Variants in FAT1 observed in about 807,000 individuals in gnomAD.
FAT1 encodes the protein protocadherin Fat 1.
A neutral mutation model predicts 329.8 loss-of-function variants in FAT1; 171 were observed. That is an observed-to-expected ratio of 0.52 (90% CI 0.46 to 0.59). The LOEUF is 0.59. FAT1 is among the 20% of genes least tolerant of loss of function. The probability of loss-of-function intolerance (pLI) is 0.00; values close to 1 mark genes in which losing one functional copy is unlikely to be tolerated. For missense variants in FAT1, 5,672 were observed against 5,774.4 expected (o/e 0.98, Z 0.57); for synonymous variants, 2,233 against 2,228.6 (o/e 1.00, Z -0.06).
intron 1 of FAT1, among the ~76,000 whole-genome samples, chr4:186,722,661 C>A (rs994585799): frequency 6.6e-6 from 1 of 152,216 alleles, no homozygotes; most frequent in Non-Finnish European, 1.5e-5. Flanking sequence ...AAAAACATCA[C>A]CATTACCTAG....
chr4:186,726,402 C>A (rs999738049), upstream of FAT1: 1 of 152,268 alleles, frequency 6.6e-6, no homozygotes, highest in East Asian at 1.9e-4. Flanking sequence ...TCGGCAGCTC[C>A]GTGATCCCCT....
intron 3 of FAT1, among the ~76,000 whole-genome samples, chr4:186,656,217 G>C (rs558583639): frequency 3.7e-4 from 56 of 152,316 alleles, no homozygotes; most frequent in African/African-American, 1.3e-3. Context: ...GATATGACTT[G>C]GGCGTGACAC....
rs375280523 is a variant in FAT1, at chr4:186,609,424, GT to G, written c.10069-105del. 1.3e-3 allele frequency: 1,475 copies of G among 1,176,270 alleles called. 1 individual carries two copies. The highest frequency in any genetic ancestry group is 1.7e-3 in the South Asian group (94 of 54,482). 72.9% of individuals were successfully genotyped at this position (1,176,270 alleles called of 1,614,324 possible). On this transcript the variant is annotated intron_variant, in intron 15 of 26. Transcript: ENST00000441802. ...AGCTTAGCTGTTTCTTTTTGTTGTT[GT>G]TTTTTTTTTGAGATGGAGCCTTGCT...
intron 2 of FAT1, among the ~76,000 whole-genome samples, chr4:186,664,119 C>A (rs1742319286): frequency 6.6e-6 from 1 of 152,180 alleles, no homozygotes; most frequent in South Asian, 2.1e-4. Context: ...CACTGCATCC[C>A]TGTGGCGGCC....
chr4:186,695,151 G>T (rs1038542405), intron 2 of FAT1, among the ~76,000 whole-genome samples: 1 of 152,122 alleles, frequency 6.6e-6, no homozygotes, highest in East Asian at 1.9e-4. Flanking sequence ...TAATCTGAAC[G>T]TTTTTTAGAG....
rs76442451 is a variant in FAT1 at position 186,601,568 on chromosome 4, C to T, written c.11483-142G>A. Reference sequence around the variant, plus strand: ...TTTACTATCCAATTCTGTGGGAAAACGTCTATTTGCTTAATGAAAAGCCCA... The same window carrying T: ...TTTACTATCCAATTCTGTGGGAAAATGTCTATTTGCTTAATGAAAAGCCCA... On this transcript the variant is annotated intron_variant, in intron 20 of 26. Transcript: ENST00000441802. The T allele has an allele frequency of 0.06, 34,472 of 574,382 alleles. 1,211 individuals are homozygous for T. The highest frequency in any genetic ancestry group is 0.076 in the Non-Finnish European group (26,783 of 354,032). 35.6% of individuals were successfully genotyped at this position (574,382 alleles called of 1,614,324 possible).
intron 7 of FAT1, 135 bp from the exon 8 acceptor site, chr4:186,628,898 C>G (rs1579351966): frequency 2.5e-6 from 2 of 800,728 alleles, no homozygotes; most frequent in East Asian, 5.3e-5. Context: ...GCAACAAAAA[C>G]CTAGAATCAT....
At position 186,621,061 on chromosome 4, in the gene FAT1, A is replaced by G. The variant is rs1560943787; in HGVS notation, c.5525T>C (p.Ile1842Thr). The change falls in exon 10 of 27, where the codon ATT becomes ACT. Residue 1842 changes from isoleucine to threonine, a missense_variant. By Grantham distance (89) the Ile-to-Thr change is moderately conservative. This residue lies in a region of FAT1 where 3,966 missense variants were observed against 3,915.2 expected (regional missense o/e 1.01). Transcript: ENST00000441802. Reference protein sequence around the residue: ...VLSLDYEETSIFHFTVQVHDM... With the variant: ...VLSLDYEETSTFHFTVQVHDM... The stretch of plus-strand genomic sequence containing the variant: ...ATGCACTTGGACGGTAAAGTGAAAA[A>G]TACTTGTTTCTTCATAGTCCAGACT... The G allele has an allele frequency of 6.2e-7, 1 of 1,613,232 alleles. No individual in the cohort carries two copies. Among genetic ancestry groups the G allele is most frequent in the Non-Finnish European group, 8.5e-7 (1 of 1,179,900 alleles).
In FAT1 at chr4:186,620,139, T is replaced by C. The variant is rs762768380; in HGVS notation, c.6447A>G (p.Glu2149=). The C allele has an allele frequency of 1.2e-6, 2 of 1,614,024 alleles. No individual in the cohort carries two copies. The highest frequency in any genetic ancestry group is 2.2e-5 in the South Asian group (2 of 91,076). The part of the protein sequence containing the change: ...KQFELDTLNK[E]YLVTVVAKDG... ...CTTTTGCAACCACTGTAACAAGATATTCTTTATTTAAGGTGTCAAGCTCAA... is the reference window on the plus strand; with the variant it reads ...CTTTTGCAACCACTGTAACAAGATACTCTTTATTTAAGGTGTCAAGCTCAA... The change falls in exon 10 of 27, where the codon GAA becomes GAG. Residue 2149 remains glutamate, a synonymous_variant. Transcript: ENST00000441802.
intron 1 of FAT1, among the ~76,000 whole-genome samples, chr4:186,718,945 T>G (rs1161545549): frequency 6.6e-6 from 1 of 152,144 alleles, no homozygotes; most frequent in Admixed American, 6.5e-5. Context: ...TCATGACACC[T>G]TTGACACCAC....
chr4:186,678,483 C>A (rs1743050841), intron 2 of FAT1, among the ~76,000 whole-genome samples: 1 of 148,586 alleles, frequency 6.7e-6, no homozygotes. Flanking sequence ...TGTAATAGAA[C>A]ATTATACAAT....
intron 1 of FAT1, among the ~76,000 whole-genome samples, chr4:186,711,746 C>A (rs1003213241): frequency 6.6e-6 from 1 of 152,048 alleles, no homozygotes; most frequent in Non-Finnish European, 1.5e-5. Context: ...ATGGTGAAAC[C>A]CCATCTCTAC....
rs2126522451 is a variant in FAT1, at chr4:186,621,133, G to A, written c.5453C>T (p.Thr1818Ile). The change falls in exon 10 of 27, where the codon ACA becomes ATA. Residue 1818 changes from threonine (T) to isoleucine (I), a missense_variant. Coordinates refer to ENST00000441802, the MANE Select transcript of FAT1 (RefSeq NM_005245.4). ...AGTGCTAGAATCAATAGCAAAATAT[G>A]TGTGTACAGATGGTTCAACAATGTG... The part of the protein sequence containing the change: ...VYHIVEPSVH[T>I]YFAIDSSTGA... The A allele has an allele frequency of 6.2e-7, 1 of 1,613,894 alleles. No individual in the cohort carries two copies. Among genetic ancestry groups the A allele is most frequent in the Non-Finnish European group, 8.5e-7 (1 of 1,179,894 alleles).
At chr4:186,672,738 G>A (rs565385894) in intron 2 of FAT1, among the ~76,000 whole-genome samples, 5 of 152,328 alleles carry the variant, frequency 3.3e-5, no homozygotes, top group Admixed American at 1.3e-4. Flanking sequence ...CATTAGTGGG[G>A]AACTGGGATT....
intron 1 of FAT1, among the ~76,000 whole-genome samples, chr4:186,714,993 G>A (rs891066224): frequency 3.9e-5 from 6 of 152,214 alleles, no homozygotes; most frequent in Admixed American, 2.6e-4. Flanking sequence ...CAGGAGAATC[G>A]CGTGAACAAG....
rs1465495616 is a variant in FAT1, at chr4:186,637,055, T to A, written c.3643-141A>T. 3 of 758,966 alleles carry A rather than the reference T, an allele frequency of 4.0e-6. No homozygotes were observed. The African/African-American group carries it at 5.2e-5, about 13-fold the overall frequency. The allele number at this position is 758,966 out of a possible 1,614,324, so 47.0% of individuals were successfully genotyped here. A position where few individuals can be genotyped will look rare whatever the true frequency, so the allele number is the denominator to read the frequency against. On this transcript the variant is annotated intron_variant, in intron 4 of 26. Transcript: ENST00000441802. The stretch of plus-strand genomic sequence containing the variant: ...TGACAACATACACAGCAGATCTTCA[T>A]TCCAACAACAGGGCTGTAAGGAGGT...
chr4:186,626,797 A>C (rs1314280920), intron 9 of FAT1, among the ~76,000 whole-genome samples: 6 of 116,656 alleles, frequency 5.1e-5, no homozygotes, highest in Middle Eastern at 4.9e-3. Flanking sequence ...AGAATGAATG[A>C]ATGAATGAAT....
chr4:186,668,220 C>A (rs1221422286), intron 2 of FAT1, among the ~76,000 whole-genome samples: 2 of 152,146 alleles, frequency 1.3e-5, no homozygotes, highest in Non-Finnish European at 2.9e-5. Context: ...TCCTCAAGAA[C>A]CCTGGGCAGA....
chr4:186,692,865 A>G (rs73873696), intron 2 of FAT1, among the ~76,000 whole-genome samples: 3,303 of 152,294 alleles, frequency 0.022, 114 homozygotes, highest in African/African-American at 0.075. Flanking sequence ...GCCAAAGTCT[A>G]TCGTGAAGAA....
Sources: allele counts gnomAD v4.1 joint callset (sites outside exome capture counted in the v4.1 genomes callset), GRCh38; gene constraint gnomAD v4.1.1; regional missense constraint gnomAD v4.1.1; transcripts MANE v1.5; gene names NCBI Gene and HGNC (gene_info 2026-07-23, HGNC 2026-07-21).